Variants in C10orf90 observed in about 807,000 individuals in gnomAD.
C10orf90 encodes the protein chromosome 10 open reading frame 90, also known as (E2-independent) E3 ubiquitin-conjugating enzyme FATS.
In C10orf90, 56 loss-of-function variants were observed where a neutral mutation model predicts 62.5. The observed-to-expected ratio is 0.90, with a 90% CI of 0.72 to 1.12. The LOEUF (loss-of-function observed/expected upper bound fraction) is 1.12, where lower values mean the gene tolerates loss of function less well. C10orf90 is among the 50% of genes most tolerant of loss of function. C10orf90 has a pLI of 0.00. For synonymous variants in C10orf90, 386 were observed against 340.4 expected, an observed-to-expected ratio of 1.13 and a Z score of -1.47; for missense variants, 970 against 880.4, an observed-to-expected ratio of 1.10 and a Z score of -1.29.
intron 2 of C10orf90, among the ~76,000 whole-genome samples, chr10:126,640,188 C>T (rs936816026): frequency 2.2e-4 from 34 of 152,332 alleles, no homozygotes; most frequent in Admixed American, 2.2e-3. Flanking sequence ...TGAATGCTAG[C>T]TGAAGTAAAC....
intron 4 of C10orf90, among the ~76,000 whole-genome samples, chr10:126,481,204 C>T (rs1162100560): frequency 6.6e-6 from 1 of 152,234 alleles, no homozygotes; most frequent in Non-Finnish European, 1.5e-5. Context: ...CTAAAGGAGC[C>T]AATGAGTAGC....
chr10:126,556,078 A>G (rs1286147347), intron 2 of C10orf90, among the ~76,000 whole-genome samples: 1 of 152,210 alleles, frequency 6.6e-6, no homozygotes, highest in African/African-American at 2.4e-5. Context: ...TCAGATGATA[A>G]ACGAGTCTCC....
chr10:126,469,346 G>A (rs1009477316), intron 4 of C10orf90, among the ~76,000 whole-genome samples: 3 of 152,114 alleles, frequency 2.0e-5, no homozygotes, highest in Non-Finnish European at 4.4e-5. Flanking sequence ...GAGGTTTTGG[G>A]TCACAGCTCT....
intron 2 of C10orf90, among the ~76,000 whole-genome samples, chr10:126,624,673 T>G (rs950206675): frequency 2.0e-5 from 3 of 152,176 alleles, no homozygotes; most frequent in Non-Finnish European, 4.4e-5. Flanking sequence ...ATTTCCTGCT[T>G]ATGTTACTTA....
intron 3 of C10orf90, among the ~76,000 whole-genome samples, chr10:126,509,329 A>G (rs1040273020): frequency 6.6e-6 from 1 of 152,160 alleles, no homozygotes; most frequent in Non-Finnish European, 1.5e-5. Context: ...GTGTGATGTA[A>G]TTCTCCAGTA....
At chr10:126,608,196 C>T (rs1845355301) in intron 2 of C10orf90, among the ~76,000 whole-genome samples, 1 of 152,140 alleles carries the variant, frequency 6.6e-6, no homozygotes, top group Non-Finnish European at 1.5e-5. Flanking sequence ...GCAGCCTGGA[C>T]CTCCTGGGCT....
intron 2 of C10orf90, among the ~76,000 whole-genome samples, chr10:126,635,392 A>G (rs1471133711): frequency 6.6e-6 from 1 of 152,104 alleles, no homozygotes; most frequent in Non-Finnish European, 1.5e-5. Context: ...GAACCATTCC[A>G]CCCTCGAAGA....
intron 1 of C10orf90, among the ~76,000 whole-genome samples, chr10:126,659,193 C>A (rs552502070): frequency 6.6e-6 from 1 of 152,338 alleles, no homozygotes; most frequent in South Asian, 2.1e-4. Context: ...GACATCACCA[C>A]CAAACAGGCT....
chr10:126,558,787 C>T (rs1591096799), intron 2 of C10orf90, among the ~76,000 whole-genome samples: 1 of 152,318 alleles, frequency 6.6e-6, no homozygotes, highest in East Asian at 1.9e-4. Context: ...TCTCTTCTTC[C>T]CCAACCAGAG....
chr10:126,570,465 C>T (rs1387411067), intron 2 of C10orf90, among the ~76,000 whole-genome samples: 1 of 152,136 alleles, frequency 6.6e-6, no homozygotes, highest in Non-Finnish European at 1.5e-5. Context: ...TAATGTAATG[C>T]TCAATGATTT....
At chr10:126,557,352 C>T (rs569889501) in intron 2 of C10orf90, among the ~76,000 whole-genome samples, 344 of 151,884 alleles carry the variant, frequency 2.3e-3, no homozygotes, top group Non-Finnish European at 4.3e-3. Context: ...GTGGTGGCGG[C>T]GCCTGTAGTC....
At chr10:126,620,869 G>T (rs1161170477) in intron 2 of C10orf90, among the ~76,000 whole-genome samples, 1 of 152,132 alleles carries the variant, frequency 6.6e-6, no homozygotes, top group Non-Finnish European at 1.5e-5. Flanking sequence ...ATGATCTATA[G>T]TTCCAACTAG....
At chr10:126,599,549 G>A (rs762491056) in intron 2 of C10orf90, among the ~76,000 whole-genome samples, 7 of 151,634 alleles carry the variant, frequency 4.6e-5, no homozygotes, top group Non-Finnish European at 1.0e-4. Flanking sequence ...AGGAAGGATC[G>A]GAAGACAGAG....
At chr10:126,545,432 T>G (rs11245030) in intron 2 of C10orf90, among the ~76,000 whole-genome samples, 42,172 of 151,566 alleles carry the variant, frequency 0.28, 6,340 homozygotes, top group East Asian at 0.39. Flanking sequence ...AAGTGAATGA[T>G]ACAAATCCTT....
chr10:126,578,280 G>T (rs192715320), intron 2 of C10orf90, among the ~76,000 whole-genome samples: 2 of 151,310 alleles, frequency 1.3e-5, no homozygotes, highest in African/African-American at 4.9e-5. Context: ...GAACTCTCGC[G>T]AATTAGTAAT....
chr10:126,639,649 C>T (rs184736702), intron 2 of C10orf90, among the ~76,000 whole-genome samples: 2 of 152,222 alleles, frequency 1.3e-5, no homozygotes, highest in Non-Finnish European at 2.9e-5. Flanking sequence ...TGCCAACTGC[C>T]TTGGTACACA....
At chr10:126,508,158 T>TGAGAGAGAGAAAGAGA (rs545830143) in intron 3 of C10orf90, among the ~76,000 whole-genome samples, 5 of 131,468 alleles carry the variant, frequency 3.8e-5, no homozygotes, top group African/African-American at 1.5e-4. Flanking sequence ...AATGAGTGAG[T>TGAGAGAGAGAAAGAGA]GAGAGAGAGA....
At chr10:126,448,351 T>TGCTAAAACATATGGAATGCA (rs567227784) in intron 7 of C10orf90, among the ~76,000 whole-genome samples, 169 of 152,194 alleles carry the variant, frequency 1.1e-3, no homozygotes, top group Non-Finnish European at 2.2e-3. Flanking sequence ...AAACACAATA[T>TGCTAAAACATATGGAATGCA]GCTAAAACAT....
At chr10:126,483,893 C>T (rs1171235078) in intron 4 of C10orf90, among the ~76,000 whole-genome samples, 1 of 152,178 alleles carries the variant, frequency 6.6e-6, no homozygotes, top group Non-Finnish European at 1.5e-5. Context: ...CTGTGCATTT[C>T]TGTGTCTGCT....
Sources: allele counts gnomAD v4.1 joint callset (sites outside exome capture counted in the v4.1 genomes callset), GRCh38; gene constraint gnomAD v4.1.1; transcripts MANE v1.5; gene names NCBI Gene and HGNC (gene_info 2026-07-23, HGNC 2026-07-21).